The following SOBP variants were observed in gnomAD, a reference collection of about 807,000 sequenced individuals.
The protein encoded by SOBP is sine oculis-binding protein homolog.
SOBP carries 4 observed loss-of-function variants against 53.6 expected under a neutral mutation model. That is an observed-to-expected ratio of 0.07 (90% CI 0.04 to 0.17). The LOEUF (loss-of-function observed/expected upper bound fraction) is 0.17. SOBP is among the 10% of genes least tolerant of loss of function. SOBP has a pLI of 1.00. For missense variants in SOBP, 1,088 were observed against 1,204.7 expected, an observed-to-expected ratio of 0.90 and a Z score of 1.43; for synonymous variants, 584 against 522.6, an observed-to-expected ratio of 1.12 and a Z score of -1.60.
At chr6:107,654,037 T>C (rs978734009) in intron 6 of SOBP, among the ~76,000 whole-genome samples, 2 of 152,210 alleles carry the variant, frequency 1.3e-5, no homozygotes, top group African/African-American at 4.8e-5. Flanking sequence ...GCTTCCCTGA[T>C]AAAACAGAAA....
intron 5 of SOBP, among the ~76,000 whole-genome samples, chr6:107,591,904 C>G (rs1439690632): frequency 6.7e-6 from 1 of 149,454 alleles, no homozygotes; most frequent in Non-Finnish European, 1.5e-5. Context: ...CCCCCTCCCA[C>G]TTTTTTTGCT....
intron 6 of SOBP, among the ~76,000 whole-genome samples, chr6:107,637,658 A>G (rs1226952388): frequency 6.6e-6 from 1 of 152,244 alleles, no homozygotes; most frequent in Non-Finnish European, 1.5e-5. Context: ...ACATTCTAAT[A>G]TCACTCATTC....
At chr6:107,543,520 C>T (rs1784211696) in intron 4 of SOBP, among the ~76,000 whole-genome samples, 1 of 152,166 alleles carries the variant, frequency 6.6e-6, no homozygotes, top group Non-Finnish European at 1.5e-5. Context: ...CTCTGAAATT[C>T]AGGTTGAGCT....
At chr6:107,651,568 G>A (rs776445068) in intron 6 of SOBP, among the ~76,000 whole-genome samples, 48 of 152,370 alleles carry the variant, frequency 3.2e-4, no homozygotes, top group Non-Finnish European at 6.6e-4. Flanking sequence ...AAGTGCTGAT[G>A]TAGAAGCTGC....
At chr6:107,508,371 G>A (rs1783056715) in intron 3 of SOBP, among the ~76,000 whole-genome samples, 1 of 152,172 alleles carries the variant, frequency 6.6e-6, no homozygotes, top group South Asian at 2.1e-4. Flanking sequence ...CTGAGGTCAG[G>A]AGTTCAAGAC....
chr6:107,503,936 G>A lies in SOBP; in HGVS notation c.235+141G>A, dbSNP rs150362394. 1,313 of 1,034,314 alleles carry A rather than the reference G, an allele frequency of 1.3e-3. 13 individuals are homozygous for A. In the African/African-American group the frequency reaches 0.019, roughly 15 times the overall value. 64.1% of individuals were successfully genotyped at this position (1,034,314 alleles called of 1,614,324 possible). On this transcript the variant is annotated intron_variant, in intron 2 of 6. Coordinates refer to ENST00000317357, the MANE Select transcript of SOBP (RefSeq NM_018013.4). Reference sequence around the variant, plus strand: ...GATTTAAACATACATCCCCAATAGTGCTTTCCCATAAGCAGAATTCTGCAG... The same window carrying A: ...GATTTAAACATACATCCCCAATAGTACTTTCCCATAAGCAGAATTCTGCAG...
chr6:107,638,067 G>A (rs1193951197), intron 6 of SOBP, among the ~76,000 whole-genome samples: 2 of 152,162 alleles, frequency 1.3e-5, no homozygotes, highest in Non-Finnish European at 2.9e-5. Context: ...AGTGATTTAA[G>A]ATGGGGGAAA....
At chr6:107,620,294 C>G (rs1173409990) in intron 5 of SOBP, among the ~76,000 whole-genome samples, 1 of 152,210 alleles carries the variant, frequency 6.6e-6, no homozygotes, top group Non-Finnish European at 1.5e-5. Flanking sequence ...AATTTGTGAC[C>G]TATGCTTCCC....
chr6:107,654,512 G>A (rs953969054), intron 6 of SOBP, among the ~76,000 whole-genome samples: 24 of 152,212 alleles, frequency 1.6e-4, no homozygotes, highest in African/African-American at 5.8e-4. Context: ...GGGTCCAGAA[G>A]TTCATGGGCT....
At chr6:107,535,194 T>C (rs1339712051) in intron 4 of SOBP, among the ~76,000 whole-genome samples, 1 of 152,192 alleles carries the variant, frequency 6.6e-6, no homozygotes, top group Admixed American at 6.5e-5. Context: ...CTGTATTTTA[T>C]AGTGAGCCTT....
intron 5 of SOBP, among the ~76,000 whole-genome samples, chr6:107,621,571 C>CT (rs1770175744): frequency 6.6e-6 from 1 of 152,176 alleles, no homozygotes; most frequent in Non-Finnish European, 1.5e-5. Flanking sequence ...TTTTAATTAA[C>CT]TAAAAAAGAC....
At chr6:107,491,837 A>C (rs1782589025) in intron 1 of SOBP, among the ~76,000 whole-genome samples, 1 of 152,214 alleles carries the variant, frequency 6.6e-6, no homozygotes, top group Non-Finnish European at 1.5e-5. Flanking sequence ...AAACTGGATG[A>C]AAATGGTGTG....
At chr6:107,502,994 CAAGT>C (rs1782882675) in intron 1 of SOBP, among the ~76,000 whole-genome samples, 2 of 152,142 alleles carry the variant, frequency 1.3e-5, no homozygotes, top group African/African-American at 4.8e-5. Flanking sequence ...CTCTTGACCT[CAAGT>C]AATCTGTCTG....
At chr6:107,610,332 C>T (rs1367031063) in intron 5 of SOBP, among the ~76,000 whole-genome samples, 3 of 152,086 alleles carry the variant, frequency 2.0e-5, no homozygotes, top group Admixed American at 6.5e-5. Context: ...TCCTGTAAGA[C>T]GTTTCATGGC....
At chr6:107,636,688 CAAAGGT>C (rs1292502441) in intron 6 of SOBP, among the ~76,000 whole-genome samples, 4 of 152,154 alleles carry the variant, frequency 2.6e-5, no homozygotes, top group Non-Finnish European at 5.9e-5. Flanking sequence ...TAGGGAGATA[CAAAGGT>C]AAATGATGGC....
At position 107,490,562 on chromosome 6, in the gene SOBP, C is replaced by G; in HGVS notation, c.-55C>G. On this transcript the variant is annotated 5_prime_UTR_variant, in exon 1 of 7. Transcript: ENST00000317357. ...CCACCGCCGCCGCCGCCGCCACCAC[C>G]ACCGCCGGCGGCGGCAGCAGCCATT... The G allele has an allele frequency of 7.3e-7, 1 of 1,368,878 alleles. No homozygotes were observed. Among genetic ancestry groups the G allele is most frequent in the Non-Finnish European group, 1.0e-6 (1 of 981,378 alleles). 84.8% of individuals were successfully genotyped at this position (1,368,878 alleles called of 1,614,324 possible).
intron 4 of SOBP, among the ~76,000 whole-genome samples, chr6:107,562,171 C>T (rs1437919268): frequency 6.6e-6 from 1 of 151,890 alleles, no homozygotes; most frequent in Non-Finnish European, 1.5e-5. Context: ...GCTGGAATTA[C>T]AGGTGCATGC....
chr6:107,654,865 G>A lies in SOBP; in HGVS notation c.*4-3342G>A, dbSNP rs151076091. ...AACAGTAGAAGAATCAAGGCTCTGGGGGAGGGTGACTGAGGAACATGGAAG... is the reference window on the plus strand; with the variant it reads ...AACAGTAGAAGAATCAAGGCTCTGGAGGAGGGTGACTGAGGAACATGGAAG... On this transcript the variant is annotated intron_variant, in intron 6 of 6. Transcript: ENST00000317357. 2.9e-4 allele frequency among the ~76,000 whole-genome samples: 43 copies of A among 148,436 alleles called. No homozygotes were observed. In the East Asian group the frequency reaches 8.2e-3, roughly 28 times the overall value.
intron 6 of SOBP, among the ~76,000 whole-genome samples, chr6:107,637,904 A>C (rs1394238634): frequency 9.2e-5 from 14 of 152,260 alleles, no homozygotes; most frequent in Admixed American, 9.2e-4. Flanking sequence ...GGCTCCAGCC[A>C]ATTTCAGAAG....
Sources: allele counts gnomAD v4.1 joint callset (sites outside exome capture counted in the v4.1 genomes callset), GRCh38; gene constraint gnomAD v4.1.1; transcripts MANE v1.5; gene names NCBI Gene and HGNC (gene_info 2026-07-23, HGNC 2026-07-21).